FRAS1: variants seen among roughly 807,000 people sequenced by gnomAD.
FRAS1 encodes extracellular matrix organizing protein FRAS1.
Under a neutral mutation model 435.2 loss-of-function variants are expected in FRAS1, and 290 were observed. The observed-to-expected ratio is 0.67, with a 90% CI of 0.61 to 0.73. The LOEUF (loss-of-function observed/expected upper bound fraction) is 0.73, where lower values mean the gene tolerates loss of function less well. FRAS1 is among the 30% of genes least tolerant of loss of function. The pLI, the probability that FRAS1 is intolerant of heterozygous loss-of-function variation, is 0.00. For missense variants in FRAS1, 4,860 were observed against 5,001.5 expected (o/e 0.97, Z 0.85); for synonymous variants, 1,800 against 1,851.0 (o/e 0.97, Z 0.71).
rs371713732 is a variant in FRAS1, at chr4:78,534,467, A to G, written c.10944A>G (p.Ala3648=). The G allele has an allele frequency of 6.2e-7, 1 of 1,612,876 alleles. No homozygotes were observed. Among genetic ancestry groups the G allele is most frequent in the Non-Finnish European group, 8.5e-7 (1 of 1,179,406 alleles). ...CATTTAGATTCCTGATACCCATTGC[A>G]TTCCAGCAGACCAACCGCCCTGTGC... The part of the protein sequence containing the change: ...HAPERFLIPI[A]FQQTNRPVPV... Residue 3648 remains alanine (A), a synonymous_variant, in exon 71 of 74, where the codon GCA becomes GCG. Coordinates refer to ENST00000512123, the MANE Select transcript of FRAS1 (RefSeq NM_025074.7).
intron 41 of FRAS1, among the ~76,000 whole-genome samples, chr4:78,442,892 A>C (rs1429046765): frequency 6.6e-6 from 1 of 152,230 alleles, no homozygotes; most frequent in Non-Finnish European, 1.5e-5. Context: ...CCACACTTAG[A>C]GAACTGCTGC....
At chr4:78,167,360 C>A (rs1027044651) in intron 2 of FRAS1, among the ~76,000 whole-genome samples, 1 of 151,982 alleles carries the variant, frequency 6.6e-6, no homozygotes. Flanking sequence ...GTATAGCAAA[C>A]CATTCTTGAG....
chr4:78,538,688 C>T (rs913646262), intron 72 of FRAS1, among the ~76,000 whole-genome samples: 5 of 152,144 alleles, frequency 3.3e-5, no homozygotes, highest in East Asian at 1.9e-4. Flanking sequence ...GGCGCGGTGG[C>T]TCAAGCCTGT....
chr4:78,337,538 G>A (rs932907329), intron 19 of FRAS1, 136 bp from the exon 20 acceptor site: 25 of 1,029,108 alleles, frequency 2.4e-5, no homozygotes, highest in Non-Finnish European at 3.5e-5. Context: ...GGGTGTGCCC[G>A]GCTTGCTCAG....
intron 47 of FRAS1, among the ~76,000 whole-genome samples, chr4:78,456,137 A>ACTTTTTTTTT (rs1560738408): frequency 1.9e-4 from 10 of 52,742 alleles, no homozygotes; most frequent in Admixed American, 3.8e-4. Context: ...AACACATGTC[A>ACTTTTTTTTT]CTTTTTTTTT....
intron 59 of FRAS1, among the ~76,000 whole-genome samples, chr4:78,490,843 C>CA (rs138274669): frequency 0.73 from 110,431 of 150,592 alleles, 41,903 homozygotes; most frequent in East Asian, 1. Flanking sequence ...AAAAATCCTT[C>CA]AAAAAAATCA....
chr4:78,322,020 G>T (rs1359425827), intron 18 of FRAS1, among the ~76,000 whole-genome samples: 1 of 152,084 alleles, frequency 6.6e-6, no homozygotes, highest in Non-Finnish European at 1.5e-5. Flanking sequence ...GCAAATCCCT[G>T]TGCAGTCTCA....
At chr4:78,254,861 G>A (rs1017650) in intron 5 of FRAS1, among the ~76,000 whole-genome samples, 142,923 of 152,080 alleles carry the variant, frequency 0.94, 67,666 homozygotes, top group Non-Finnish European at 1. Context: ...ATGAAGGGTG[G>A]GAGGATACCC....
chr4:78,079,090 G>A (rs989690315), intron 2 of FRAS1, among the ~76,000 whole-genome samples: 13 of 152,184 alleles, frequency 8.5e-5, no homozygotes, highest in African/African-American at 2.9e-4. Context: ...TAAGATAATA[G>A]ATGAGAAGAG....
At chr4:78,437,955 A>G (rs1360819195) in intron 38 of FRAS1, among the ~76,000 whole-genome samples, 1 of 144,004 alleles carries the variant, frequency 6.9e-6, no homozygotes, top group Admixed American at 7.0e-5. Context: ...AAGATTAGGC[A>G]TCTTGGGAAG....
chr4:78,091,628 T>TGC (rs1184590116), intron 2 of FRAS1, among the ~76,000 whole-genome samples: 1 of 147,722 alleles, frequency 6.8e-6, no homozygotes. Flanking sequence ...TGTGTTTGTG[T>TGC]GTGTGTGTGT....
intron 32 of FRAS1, among the ~76,000 whole-genome samples, chr4:78,418,743 A>C (rs1420322174): frequency 1.3e-5 from 2 of 152,168 alleles, no homozygotes; most frequent in Non-Finnish European, 1.5e-5. Flanking sequence ...AAAATCTGAA[A>C]AGGACTCTCT....
intron 2 of FRAS1, among the ~76,000 whole-genome samples, chr4:78,196,973 G>T (rs1453062286): frequency 6.6e-6 from 1 of 152,190 alleles, no homozygotes; most frequent in African/African-American, 2.4e-5. Context: ...AAACAAGAGA[G>T]AGAAGTGGAG....
intron 2 of FRAS1, among the ~76,000 whole-genome samples, chr4:78,079,724 C>A (rs2109873356): frequency 6.6e-6 from 1 of 152,240 alleles, no homozygotes; most frequent in South Asian, 2.1e-4. Context: ...GAGTCCCCTT[C>A]AGAGATGCTA....
chr4:78,147,074 G>A (rs1720450522), intron 2 of FRAS1, among the ~76,000 whole-genome samples: 1 of 152,084 alleles, frequency 6.6e-6, no homozygotes, highest in East Asian at 1.9e-4. Flanking sequence ...TTTCCTGGAT[G>A]TTTTATAGGC....
At chr4:78,487,316 C>T (rs1720200983) in intron 58 of FRAS1, among the ~76,000 whole-genome samples, 3 of 152,098 alleles carry the variant, frequency 2.0e-5, no homozygotes, top group Admixed American at 2.0e-4. Context: ...TTTATTTTTG[C>T]CATGGCCAAC....
intron 2 of FRAS1, among the ~76,000 whole-genome samples, chr4:78,214,558 A>G (rs1302308961): frequency 6.6e-6 from 1 of 152,170 alleles, no homozygotes; most frequent in East Asian, 1.9e-4. Flanking sequence ...TGAACATCCT[A>G]CATACATCTT....
rs1037570949 is a variant in FRAS1 at position 78,477,962 on chromosome 4, A to T, written c.7999A>T (p.Ile2667Phe). Residue 2667 changes from isoleucine (I) to phenylalanine (F), a missense_variant, in exon 55 of 74, where the codon ATC becomes TTC. Transcript: ENST00000512123. ...GGAATTCACCCAGGCGAAGGTCATT[A>T]TCAACGATACCGAGGATGAACCCAC... The part of the protein sequence containing the change: ...LGEFTQAKVI[I>F]NDTEDEPTLE... 1.9e-6 allele frequency: 3 copies of T among 1,613,266 alleles called. No homozygotes were observed. Among genetic ancestry groups the T allele is most frequent in the Non-Finnish European group, 2.5e-6 (3 of 1,179,698 alleles).
chr4:78,238,638 T>A (rs1724864650), intron 3 of FRAS1, among the ~76,000 whole-genome samples: 1 of 152,084 alleles, frequency 6.6e-6, no homozygotes, highest in South Asian at 2.1e-4. Context: ...AGATTTTTAT[T>A]GTATATTATG....
Sources: gnomAD v4.1 joint callset for allele counts (sites outside exome capture counted in the v4.1 genomes callset) on GRCh38, gnomAD v4.1.1 for gene constraint, MANE v1.5 for transcripts, NCBI Gene and HGNC (gene_info 2026-07-23, HGNC 2026-07-21) for gene names.